DNAJA3: variants seen among roughly 807,000 people sequenced by gnomAD.
DNAJA3 encodes dnaJ homolog subfamily A member 3, mitochondrial.
A neutral mutation model predicts 54.9 loss-of-function variants in DNAJA3; 29 were observed. The ratio of observed to expected loss-of-function variants is 0.53; its 90% confidence interval spans 0.39 to 0.72. The LOEUF is 0.72. Among genes scored for constraint, DNAJA3 ranks in the 30% least tolerant of loss-of-function variants. The pLI, the probability that DNAJA3 is intolerant of heterozygous loss-of-function variation, is 0.00. For synonymous variants in DNAJA3, 302 were observed against 251.4 expected, an observed-to-expected ratio of 1.20 and a Z score of -1.90; for missense variants, 708 against 639.4, an observed-to-expected ratio of 1.11 and a Z score of -1.16.
chr16:4,439,153 G>T (rs565521259), intron 3 of DNAJA3, among the ~76,000 whole-genome samples: 1 of 151,852 alleles, frequency 6.6e-6, no homozygotes, highest in East Asian at 1.9e-4. Flanking sequence ...AGACCAGCCT[G>T]GCCAAGAGAC....
chr16:4,443,301 T>A (rs2056860469), intron 6 of DNAJA3, 137 bp downstream of exon 6: 2 of 1,132,512 alleles, frequency 1.8e-6, no homozygotes. Context: ...AAGTTATGGT[T>A]GAGGCCCTGG....
rs1248576096 is a variant in DNAJA3 at position 4,456,055 on chromosome 16, C to T, written c.*523C>T. On this transcript the variant is annotated 3_prime_UTR_variant, in exon 12 of 12. Transcript: ENST00000262375. ...AGCACCGTCCTCCCCTAATGAGGGG[C>T]CCTGCCGAGGCATCAGCTGCTCTGC... 1.2e-5 allele frequency: 2 copies of T among 162,888 alleles called. No homozygotes were observed. The highest frequency in any genetic ancestry group is 4.8e-5 in the African/African-American group (2 of 41,748). The allele number at this position is 162,888 out of a possible 1,614,324, so 10.1% of individuals were successfully genotyped here. A position where few individuals can be genotyped will look rare whatever the true frequency, so the allele number is the denominator to read the frequency against.
Position 4,437,499 on chromosome 16 carries a change from G to A in DNAJA3, c.429+14G>A, listed in dbSNP as rs755179467. The A allele has an allele frequency of 3.5e-5, 57 of 1,606,776 alleles. No homozygotes were observed. The highest frequency in any genetic ancestry group is 4.5e-5 in the Non-Finnish European group (53 of 1,173,720). On this transcript the variant is annotated intron_variant, in intron 3 of 11. Transcript: ENST00000262375. Reference sequence around the variant, plus strand: ...GAAGCCTATGAGGTAATATGACTTCGGTGCATGCGGTCACTGCTGTTCAGC... The same window carrying A: ...GAAGCCTATGAGGTAATATGACTTCAGTGCATGCGGTCACTGCTGTTCAGC...
At position 4,443,128 on chromosome 16, in the gene DNAJA3, A is replaced by G. The variant is rs2056857896; in HGVS notation, c.895A>G (p.Lys299Glu). ...CVVCRGAGQA[K>E]QKKRVMIPVP... is the part of the protein sequence containing the mutation. ...GGTCTGCAGGGGAGCAGGACAAGCC[A>G]AGCAGAAAAAGCGAGTGATGATCCC... Residue 299 changes from lysine (K) to glutamate (E), a missense_variant, in exon 6 of 12, where the codon AAG (lysine) becomes GAG (glutamate). Coordinates refer to ENST00000262375, the MANE Select transcript of DNAJA3 (RefSeq NM_005147.6). 6.2e-7 allele frequency: 1 copy of G among 1,613,892 alleles called. No homozygotes were observed. The highest frequency in any genetic ancestry group is 8.5e-7 in the Non-Finnish European group (1 of 1,180,010).
Position 4,437,449 on chromosome 16 carries a change from C to T in DNAJA3, c.393C>T (p.Ala131=), listed in dbSNP as rs2056784782. ...HPDTNKDDPK[A]KEKFSQLAEA... ...ACACAAATAAGGATGATCCCAAAGC[C>T]AAGGAGAAGTTCTCCCAGCTGGCAG... The change falls in exon 3 of 12, where the codon GCC becomes GCT. Residue 131 remains alanine, a synonymous_variant. Transcript: ENST00000262375. The T allele has an allele frequency of 6.2e-7, 1 of 1,613,980 alleles. No individual in the cohort carries two copies. Among genetic ancestry groups the T allele is most frequent in the Non-Finnish European group, 8.5e-7 (1 of 1,179,990 alleles).
At chr16:4,441,737 C>T (rs1035515792) in intron 4 of DNAJA3, among the ~76,000 whole-genome samples, 162 bp downstream of exon 4, 1 of 152,202 alleles carries the variant, frequency 6.6e-6, no homozygotes, top group African/African-American at 2.4e-5. Context: ...TGAAAAATCG[C>T]ATAGGTAGTA....
At chr16:4,450,200 G>C (rs760166776) in intron 9 of DNAJA3, 200 bp from the exon 10 acceptor site, 3 of 527,184 alleles carry the variant, frequency 5.7e-6, no homozygotes, top group Non-Finnish European at 6.7e-6. Flanking sequence ...ACTTAGTGTA[G>C]GGTGTTTTAG....
chr16:4,451,703 G>C (rs1337772862), intron 10 of DNAJA3, among the ~76,000 whole-genome samples: 1 of 136,668 alleles, frequency 7.3e-6, no homozygotes, highest in African/African-American at 2.8e-5. Flanking sequence ...GATGCAGTGA[G>C]CCAAGACCAC....
intron 8 of DNAJA3, among the ~76,000 whole-genome samples, 158 bp from the exon 9 acceptor site, chr16:4,448,575 C>T (rs1238614797): frequency 6.6e-6 from 1 of 152,144 alleles, no homozygotes; most frequent in African/African-American, 2.4e-5. Context: ...AACTCCTGAC[C>T]TCGTGATCAG....
intron 3 of DNAJA3, among the ~76,000 whole-genome samples, chr16:4,437,846 G>A (rs1210411308): frequency 1.3e-5 from 2 of 151,702 alleles, no homozygotes; most frequent in African/African-American, 4.8e-5. Flanking sequence ...CCAGCTACTT[G>A]GGAGGCTGAG....
rs370594693 is a variant in DNAJA3, at chr16:4,441,235, C to T, written c.430-140C>T. 8.0e-5 allele frequency: 58 copies of T among 727,716 alleles called. No homozygotes were observed. In the East Asian group the frequency reaches 1.5e-3, roughly 18 times the overall value. 45.1% of individuals were successfully genotyped at this position (727,716 alleles called of 1,614,324 possible). On this transcript the variant is annotated intron_variant, in intron 3 of 11. Transcript: ENST00000262375. The stretch of plus-strand genomic sequence containing the variant: ...CCTCTTCTAGGTGCTAGTCACAGGC[C>T]CACCCCAACCTCATAGGATGTGTTT...
chr16:4,437,667 C>T (rs1167755060), intron 3 of DNAJA3, 182 bp downstream of exon 3: 1 of 580,118 alleles, frequency 1.7e-6, no homozygotes, highest in African/African-American at 1.9e-5. Flanking sequence ...CATGGTGGCT[C>T]ACTCCTGTAG....
chr16:4,455,479 G>A (rs567999909), intron 11 of DNAJA3, 67 bp from the exon 12 acceptor site: 58 of 1,528,902 alleles, frequency 3.8e-5, no homozygotes, highest in Admixed American at 3.4e-4. Context: ...ATTAACAGAC[G>A]CTCCCCACAG....
At chr16:4,444,851 G>C (rs2056884130) in intron 7 of DNAJA3, 123 bp downstream of exon 7, 6 of 838,976 alleles carry the variant, frequency 7.2e-6, no homozygotes, top group Non-Finnish European at 3.8e-6. Context: ...TGTTTCTGAG[G>C]GGCACAGTGG....
At chr16:4,433,694 A>G (rs1190278907) in intron 1 of DNAJA3, among the ~76,000 whole-genome samples, 1 of 152,194 alleles carries the variant, frequency 6.6e-6, no homozygotes, top group Non-Finnish European at 1.5e-5. Flanking sequence ...GAAAATACCT[A>G]GCAAATGGTA....
chr16:4,442,385 G>A lies in DNAJA3; in HGVS notation c.748G>A (p.Val250Met). Residue 250 changes from valine to methionine, a missense_variant, in exon 5 of 12, where the codon GTG becomes ATG. Transcript: ENST00000262375. ...CAAGGGGAACGAGCCCGGCACCAAG[G>A]TGCAGCATTGCCACTACTGTGGCGG... is the stretch of plus-strand genomic sequence containing the variant. ...NGKGNEPGTK[V>M]QHCHYCGGSG... is the part of the protein sequence containing the mutation. The A allele has an allele frequency of 6.2e-7, 1 of 1,608,702 alleles. No homozygotes were observed. The highest frequency in any genetic ancestry group is 8.5e-7 in the Non-Finnish European group (1 of 1,177,324).
intron 1 of DNAJA3, among the ~76,000 whole-genome samples, chr16:4,430,043 G>A (rs1319403119): frequency 2.0e-5 from 3 of 151,564 alleles, no homozygotes; most frequent in Non-Finnish European, 4.4e-5. Flanking sequence ...ATGTGGTGGC[G>A]AGCCTCTATA....
At chr16:4,443,418 C>T (rs866477576) in intron 6 of DNAJA3, among the ~76,000 whole-genome samples, 5 of 152,094 alleles carry the variant, frequency 3.3e-5, no homozygotes, top group Admixed American at 2.0e-4. Context: ...AGAGACCTGA[C>T]GTGCCTACTC....
At chr16:4,451,910 A>T (rs1338264202) in intron 10 of DNAJA3, among the ~76,000 whole-genome samples, 3 of 151,368 alleles carry the variant, frequency 2.0e-5, no homozygotes, top group Non-Finnish European at 2.9e-5. Flanking sequence ...AAAAAAAAAA[A>T]AATACAAAAA....
Sources: allele counts gnomAD v4.1 joint callset (sites outside exome capture counted in the v4.1 genomes callset), GRCh38; gene constraint gnomAD v4.1.1; transcripts MANE v1.5; gene names NCBI Gene and HGNC (gene_info 2026-07-23, HGNC 2026-07-21).